TOX3: variants seen among roughly 807,000 people sequenced by gnomAD.
The protein encoded by TOX3 is TOX high mobility group box family member 3, also known as CAG trinucleotide repeat-containing gene F9 protein.
A neutral mutation model predicts 64.3 loss-of-function variants in TOX3; 22 were observed. The observed-to-expected ratio is 0.34, with a 90% CI of 0.24 to 0.49. The LOEUF is 0.49. TOX3 is among the 20% of genes least tolerant of loss of function. The probability of loss-of-function intolerance (pLI) is 0.99; values close to 1 mark genes in which losing one functional copy is unlikely to be tolerated. For missense variants in TOX3, 661 were observed against 714.4 expected, an observed-to-expected ratio of 0.93 and a Z score of 0.85; for synonymous variants, 291 against 273.6, an observed-to-expected ratio of 1.06 and a Z score of -0.63.
intron 1 of TOX3, among the ~76,000 whole-genome samples, chr16:52,486,826 C>T (rs1961544871): frequency 6.6e-6 from 1 of 152,042 alleles, no homozygotes; most frequent in Non-Finnish European, 1.5e-5. Context: ...GTCCCAGCTA[C>T]TCTGGAGGCT....
chr16:52,439,896 A>G lies in TOX3; in HGVS notation c.1060T>C (p.Ser354Pro). The change falls in exon 7 of 7, where the codon TCC becomes CCC. Residue 354 changes from serine to proline, a missense_variant. By Grantham distance (74) the Ser-to-Pro change is moderately conservative. This residue lies in a region of TOX3 where 299 missense variants were observed against 292.1 expected (regional missense o/e 1.02). Transcript: ENST00000219746. Reference protein sequence around the residue: ...QQTLASTNLTSSLLLNTPLSQ... With the variant: ...QQTLASTNLTPSLLLNTPLSQ... ...AGTGGAGTGTTGAGAAGGAGAGAGGATGTTAGATTGGTCGACGCCAGGGTC... is the reference window on the plus strand; with the variant it reads ...AGTGGAGTGTTGAGAAGGAGAGAGGGTGTTAGATTGGTCGACGCCAGGGTC... 6.2e-7 allele frequency: 1 copy of G among 1,612,966 alleles called. No individual in the cohort carries two copies. The highest frequency in any genetic ancestry group is 8.5e-7 in the Non-Finnish European group (1 of 1,179,376).
intron 1 of TOX3, among the ~76,000 whole-genome samples, chr16:52,522,445 G>T (rs994917404): frequency 6.6e-6 from 1 of 152,210 alleles, no homozygotes; most frequent in Admixed American, 6.5e-5. Context: ...AGAGCTACTG[G>T]CAGGCAGAGT....
intron 6 of TOX3, among the ~76,000 whole-genome samples, chr16:52,440,272 C>CA (rs1959924658): frequency 6.6e-6 from 1 of 152,172 alleles, no homozygotes; most frequent in Non-Finnish European, 1.5e-5. Flanking sequence ...TGATGACAGA[C>CA]ATGTGGCCCA....
At chr16:52,520,071 G>A (rs1283772305) in intron 1 of TOX3, among the ~76,000 whole-genome samples, 1 of 151,984 alleles carries the variant, frequency 6.6e-6, no homozygotes, top group East Asian at 1.9e-4. Flanking sequence ...ACTGAAGTAT[G>A]GATGCAGATA....
intron 1 of TOX3, among the ~76,000 whole-genome samples, chr16:52,491,095 T>C (rs1485535068): frequency 6.6e-6 from 1 of 152,188 alleles, no homozygotes; most frequent in Non-Finnish European, 1.5e-5. Context: ...ACTCTTTTCC[T>C]CATTGAAGGA....
chr16:52,528,362 G>A (rs759607612), intron 1 of TOX3, among the ~76,000 whole-genome samples: 57 of 151,620 alleles, frequency 3.8e-4, no homozygotes, highest in Non-Finnish European at 7.4e-4. Context: ...GAGTAGGTGG[G>A]TTTATAACCC....
chr16:52,470,472 T>C (rs1596801113), intron 1 of TOX3, among the ~76,000 whole-genome samples: 1 of 152,156 alleles, frequency 6.6e-6, no homozygotes, highest in East Asian at 1.9e-4. Flanking sequence ...TATTATCTAA[T>C]AGCACCTAAA....
chr16:52,476,499 T>C (rs894381499), intron 1 of TOX3, among the ~76,000 whole-genome samples: 1 of 152,040 alleles, frequency 6.6e-6, no homozygotes. Flanking sequence ...GGAAGTTTTT[T>C]CTTGCTTTTT....
intron 1 of TOX3, among the ~76,000 whole-genome samples, chr16:52,536,988 G>A (rs1389961845): frequency 6.6e-6 from 1 of 150,944 alleles, no homozygotes; most frequent in Non-Finnish European, 1.5e-5. Context: ...TTCATTTAAG[G>A]GCTAACTCTC....
chr16:52,496,683 T>C (rs1436926370), intron 1 of TOX3, among the ~76,000 whole-genome samples: 1 of 152,214 alleles, frequency 6.6e-6, no homozygotes, highest in Non-Finnish European at 1.5e-5. Context: ...CCCACTTTTA[T>C]GGGAAGCAAA....
At chr16:52,451,658 C>A (rs2151747001) in intron 3 of TOX3, among the ~76,000 whole-genome samples, 1 of 152,180 alleles carries the variant, frequency 6.6e-6, no homozygotes, top group Non-Finnish European at 1.5e-5. Flanking sequence ...TATTTTTGCT[C>A]TTTAAAGAAG....
At chr16:52,442,724 T>C (rs1163031169) in intron 6 of TOX3, among the ~76,000 whole-genome samples, 1 of 152,232 alleles carries the variant, frequency 6.6e-6, no homozygotes, top group Non-Finnish European at 1.5e-5. Context: ...TAAAGGACTA[T>C]ATTAGTTGCC....
intron 2 of TOX3, among the ~76,000 whole-genome samples, chr16:52,466,904 C>T (rs1012529416): frequency 2.0e-5 from 3 of 152,136 alleles, no homozygotes; most frequent in African/African-American, 7.2e-5. Flanking sequence ...AAAATAACCA[C>T]ATATGGCATC....
chr16:52,439,776 T>A lies in TOX3; in HGVS notation c.1180A>T (p.Met394Leu), dbSNP rs971447282. Residue 394 changes from methionine (M) to leucine (L), a missense_variant, in exon 7 of 7, where the codon ATG becomes TTG. Transcript: ENST00000219746. Reference protein sequence around the residue: ...APKPLTMRLPMNQIVTSVTIA... With the variant: ...APKPLTMRLPLNQIVTSVTIA... ...GTGACTGATGTGACAATCTGGTTCA[T>A]GGGGAGTCTCATGGTTAAGGGTTTG... 1.9e-6 allele frequency: 3 copies of A among 1,613,764 alleles called. No homozygotes were observed. The African/African-American group carries it at 4.0e-5, about 22-fold the overall frequency.
chr16:52,500,554 A>G (rs982038890), intron 1 of TOX3, among the ~76,000 whole-genome samples: 1 of 152,214 alleles, frequency 6.6e-6, no homozygotes, highest in Non-Finnish European at 1.5e-5. Flanking sequence ...CCTACTAGAT[A>G]TCAAAGGCTG....
intron 2 of TOX3, among the ~76,000 whole-genome samples, chr16:52,466,547 T>G (rs555413107): frequency 1.1e-4 from 17 of 152,328 alleles, no homozygotes; most frequent in African/African-American, 4.1e-4. Flanking sequence ...TTGGGCTTTA[T>G]TTTTTGTTCA....
intron 4 of TOX3, among the ~76,000 whole-genome samples, chr16:52,449,489 T>C (rs1048259692): frequency 6.6e-6 from 1 of 152,184 alleles, no homozygotes; most frequent in Admixed American, 6.5e-5. Flanking sequence ...CAGAATCGAT[T>C]AGAATCTCAG....
At chr16:52,451,148 A>C (rs558611237) in intron 3 of TOX3, among the ~76,000 whole-genome samples, 1 of 152,330 alleles carries the variant, frequency 6.6e-6, no homozygotes, top group East Asian at 1.9e-4. Context: ...CTTTCTGTGA[A>C]ATCCTCTGTG....
At position 52,532,638 on chromosome 16, in the gene TOX3, G is replaced by C. The variant is rs555406332; in HGVS notation, c.87+13999C>G. Among the ~76,000 whole-genome samples, 3 of 152,322 alleles carry C rather than the reference G, an allele frequency of 2.0e-5. No homozygotes were observed. In the East Asian group the frequency reaches 5.8e-4, roughly 29 times the overall value. On this transcript the variant is annotated intron_variant, in intron 1 of 6. Transcript: ENST00000219746. ...TTTGAAGTCACAAAGTTTAGAGGCG[G>C]TTTATCACTCGCGATAGATAACTGG...
Sources: gnomAD v4.1 joint callset for allele counts (sites outside exome capture counted in the v4.1 genomes callset) on GRCh38, gnomAD v4.1.1 for gene constraint, gnomAD v4.1.1 regional missense constraint, MANE v1.5 for transcripts, NCBI Gene and HGNC (gene_info 2026-07-23, HGNC 2026-07-21) for gene names.